MAGI2: variants seen among roughly 807,000 people sequenced by gnomAD.
MAGI2 encodes membrane-associated guanylate kinase, WW and PDZ domain-containing protein 2.
A neutral mutation model predicts 133.3 loss-of-function variants in MAGI2; 35 were observed. The observed-to-expected ratio is 0.26, with a 90% CI of 0.20 to 0.35. The LOEUF (loss-of-function observed/expected upper bound fraction) is 0.35. Among genes scored for constraint, MAGI2 ranks in the 10% least tolerant of loss-of-function variants. The probability of loss-of-function intolerance (pLI) is 1.00; values close to 1 mark genes in which losing one functional copy is unlikely to be tolerated. For missense variants in MAGI2, 1,636 were observed against 1,863.4 expected, an observed-to-expected ratio of 0.88 and a Z score of 2.25; for synonymous variants, 729 against 710.6, an observed-to-expected ratio of 1.03 and a Z score of -0.41.
chr7:79,197,514 T>G lies in MAGI2; in HGVS notation c.302-190308A>C, dbSNP rs143127681. Among the ~76,000 whole-genome samples the G allele has an allele frequency of 4.5e-3, 681 of 152,158 alleles. 17 individuals are homozygous for G. The highest frequency in any genetic ancestry group is 0.016 in the African/African-American group (660 of 41,444). ...AGCAATGCAAGTTCTCTGAGTTAAT[T>G]TAACTAACTTGGTCTCTTTCTAAGT... On this transcript the variant is annotated intron_variant, in intron 1 of 21. Transcript: ENST00000354212.
At chr7:79,307,376 T>C (rs1161405417) in intron 1 of MAGI2, among the ~76,000 whole-genome samples, 1 of 152,094 alleles carries the variant, frequency 6.6e-6, no homozygotes, top group Non-Finnish European at 1.5e-5. Flanking sequence ...ATTTCCAGAG[T>C]TAGTGATACT....
chr7:78,292,093 C>T (rs1796773855), intron 9 of MAGI2, among the ~76,000 whole-genome samples: 1 of 152,078 alleles, frequency 6.6e-6, no homozygotes, highest in Non-Finnish European at 1.5e-5. Context: ...GGCAATCAGG[C>T]AGGAGAAAGA....
At chr7:79,078,786 A>G (rs1166946954) in intron 1 of MAGI2, among the ~76,000 whole-genome samples, 1 of 152,176 alleles carries the variant, frequency 6.6e-6, no homozygotes, top group Non-Finnish European at 1.5e-5. Flanking sequence ...TGTATTTGTC[A>G]TCAACTCAAT....
At chr7:78,659,424 CAAAAAAAAAAAAAAAAAA>C (rs71085553) in intron 2 of MAGI2, among the ~76,000 whole-genome samples, 2 of 23,676 alleles carry the variant, frequency 8.4e-5, no homozygotes, top group Non-Finnish European at 1.4e-4. Flanking sequence ...GACTTCATCT[CAAAAAAAAAAAAAAAAAA>C]AAAAAAAAAG....
intron 21 of MAGI2, among the ~76,000 whole-genome samples, chr7:78,027,998 A>G (rs1359922976): frequency 6.6e-6 from 1 of 152,254 alleles, no homozygotes; most frequent in Non-Finnish European, 1.5e-5. Flanking sequence ...AAATACTAAA[A>G]TGATTAAGGT....
chr7:79,229,121 T>A, intron 1 of MAGI2, among the ~76,000 whole-genome samples: 1 of 150,964 alleles, frequency 6.6e-6, no homozygotes, highest in Non-Finnish European at 1.5e-5. Context: ...ACTTAATTCC[T>A]AGATTTGTAC....
At chr7:79,350,395 A>G (rs1403254194) in intron 1 of MAGI2, among the ~76,000 whole-genome samples, 1 of 152,094 alleles carries the variant, frequency 6.6e-6, no homozygotes, top group Non-Finnish European at 1.5e-5. Flanking sequence ...ACAAGCACAG[A>G]ATTTATTTTA....
At chr7:79,241,104 T>C (rs1218543394) in intron 1 of MAGI2, among the ~76,000 whole-genome samples, 1 of 152,178 alleles carries the variant, frequency 6.6e-6, no homozygotes, top group East Asian at 1.9e-4. Context: ...GTTTGGTCAC[T>C]GATGTCTCCG....
rs78163402 is a variant in MAGI2, at chr7:79,319,790, C to T, written c.301+133230G>A. ...AAGTCCCATCTAAGCCTAACTGGTA[C>T]ACACACCATAAATGGCTTCCTGAAA... is the stretch of plus-strand genomic sequence containing the variant. On this transcript the variant is annotated intron_variant, in intron 1 of 21. Coordinates refer to ENST00000354212, the MANE Select transcript of MAGI2 (RefSeq NM_012301.4). 6.7e-3 allele frequency among the ~76,000 whole-genome samples: 1,016 copies of T among 152,234 alleles called. 6 individuals are homozygous for T. Among genetic ancestry groups the T allele is most frequent in the African/African-American group, 0.023 (963 of 41,552 alleles).
intron 2 of MAGI2, among the ~76,000 whole-genome samples, chr7:78,808,690 C>G (rs2245766): frequency 0.42 from 63,904 of 152,170 alleles, 13,740 homozygotes; most frequent in East Asian, 0.57. Flanking sequence ...AAACGCACTT[C>G]ACGGAAATGA....
intron 2 of MAGI2, among the ~76,000 whole-genome samples, chr7:78,966,929 T>C (rs1803366328): frequency 6.6e-6 from 1 of 151,364 alleles, no homozygotes; most frequent in South Asian, 2.1e-4. Context: ...CTAGTATGTC[T>C]CTTTTTATTT....
chr7:78,049,896 C>T (rs777480668), intron 21 of MAGI2, among the ~76,000 whole-genome samples: 20 of 152,140 alleles, frequency 1.3e-4, no homozygotes, highest in Admixed American at 2.0e-4. Flanking sequence ...CACTGAACAC[C>T]GATGAACTTC....
At chr7:78,764,579 C>T (rs554842649) in intron 2 of MAGI2, among the ~76,000 whole-genome samples, 1 of 152,308 alleles carries the variant, frequency 6.6e-6, no homozygotes, top group East Asian at 1.9e-4. Context: ...AACAGTTCTT[C>T]TTCCTCTCTG....
intron 10 of MAGI2, among the ~76,000 whole-genome samples, chr7:78,220,122 G>T (rs1788663791): frequency 6.6e-6 from 1 of 152,136 alleles, no homozygotes; most frequent in African/African-American, 2.4e-5. Context: ...AGAGCCCTCT[G>T]TCTGTCTGCC....
chr7:79,321,148 G>A (rs1040137665), intron 1 of MAGI2, among the ~76,000 whole-genome samples: 1 of 152,086 alleles, frequency 6.6e-6, no homozygotes, highest in Non-Finnish European at 1.5e-5. Flanking sequence ...TTTGTAGTAA[G>A]TGAGATGTTT....
At chr7:79,042,631 A>G (rs1011001196) in intron 1 of MAGI2, among the ~76,000 whole-genome samples, 1 of 152,198 alleles carries the variant, frequency 6.6e-6, no homozygotes, top group African/African-American at 2.4e-5. Flanking sequence ...ATAACCACAC[A>G]ACAATAGTGG....
intron 6 of MAGI2, among the ~76,000 whole-genome samples, chr7:78,442,110 G>A (rs1787689885): frequency 6.6e-6 from 1 of 152,172 alleles, no homozygotes; most frequent in Non-Finnish European, 1.5e-5. Flanking sequence ...CTTCCAAAGT[G>A]TTTGCTTCTC....
At chr7:78,921,015 C>T (rs576758893) in intron 2 of MAGI2, among the ~76,000 whole-genome samples, 1 of 152,244 alleles carries the variant, frequency 6.6e-6, no homozygotes, top group East Asian at 1.9e-4. Flanking sequence ...GTCAGGAATA[C>T]AGCATGATAT....
At chr7:78,694,406 A>G (rs1265943724) in intron 2 of MAGI2, among the ~76,000 whole-genome samples, 1 of 152,184 alleles carries the variant, frequency 6.6e-6, no homozygotes, top group African/African-American at 2.4e-5. Context: ...TCTGTCTCCC[A>G]TTTGAAGTAG....
Sources: allele counts gnomAD v4.1 joint callset (sites outside exome capture counted in the v4.1 genomes callset), GRCh38; gene constraint gnomAD v4.1.1; transcripts MANE v1.5; gene names NCBI Gene and HGNC (gene_info 2026-07-23, HGNC 2026-07-21).